CLHC1: variants seen among roughly 807,000 people sequenced by gnomAD.
The protein encoded by CLHC1 is clathrin heavy chain linker domain-containing protein 1.
Under a neutral mutation model 69.5 loss-of-function variants are expected in CLHC1, and 72 were observed. That is an observed-to-expected ratio of 1.04 (90% confidence interval 0.86 to 1.26). The LOEUF is 1.26. CLHC1 is among the 50% of genes most tolerant of loss of function. The pLI, the probability that CLHC1 is intolerant of heterozygous loss-of-function variation, is 0.00. For synonymous variants in CLHC1, 223 were observed against 224.3 expected, an observed-to-expected ratio of 0.99 and a Z score of 0.05; for missense variants, 790 against 679.3, an observed-to-expected ratio of 1.16 and a Z score of -1.81.
intron 1 of CLHC1, among the ~76,000 whole-genome samples, chr2:55,230,081 G>GA (rs1319709134): frequency 2.0e-5 from 3 of 151,976 alleles, no homozygotes; most frequent in East Asian, 3.9e-4. Context: ...TCAAAAAAAA[G>GA]AAAAAAAAGA....
chr2:55,192,364 C>T (rs1168648548), intron 9 of CLHC1, among the ~76,000 whole-genome samples: 4 of 152,142 alleles, frequency 2.6e-5, no homozygotes, highest in Non-Finnish European at 4.4e-5. Context: ...AAGTGATCCA[C>T]CCACCTCGGC....
chr2:55,216,879 G>A (rs1056017846), intron 4 of CLHC1, among the ~76,000 whole-genome samples: 28 of 152,122 alleles, frequency 1.8e-4, no homozygotes, highest in African/African-American at 6.8e-4. Flanking sequence ...CAGGAGTGGT[G>A]GCTCATGCCT....
intron 9 of CLHC1, among the ~76,000 whole-genome samples, chr2:55,192,625 T>C (rs574471656): frequency 3.3e-5 from 5 of 152,206 alleles, no homozygotes; most frequent in African/African-American, 4.8e-5. Context: ...TGGCGTGGGG[T>C]GGACATCTAG....
chr2:55,178,159 G>C (rs1173207215), intron 11 of CLHC1, among the ~76,000 whole-genome samples: 1 of 152,118 alleles, frequency 6.6e-6, no homozygotes, highest in Non-Finnish European at 1.5e-5. Context: ...TAGTATTAGA[G>C]GTCTCCATCT....
At chr2:55,180,031 G>A (rs1480835126) in intron 11 of CLHC1, among the ~76,000 whole-genome samples, 1 of 151,918 alleles carries the variant, frequency 6.6e-6, no homozygotes, top group Non-Finnish European at 1.5e-5. Context: ...GCGGGCACCT[G>A]TAGTCCCAGC....
At chr2:55,188,539 T>G (rs988275301) in intron 9 of CLHC1, among the ~76,000 whole-genome samples, 2 of 152,162 alleles carry the variant, frequency 1.3e-5, no homozygotes, top group Admixed American at 1.3e-4. Context: ...AAAATGTTTG[T>G]TATTATCTTC....
At chr2:55,191,799 C>A (rs7588591) in intron 9 of CLHC1, among the ~76,000 whole-genome samples, 147,854 of 151,466 alleles carry the variant, frequency 0.98, 72,196 homozygotes, top group African/African-American at 0.99. Flanking sequence ...AAAAAGGTTT[C>A]AAAAAAAAAG....
chr2:55,227,230 T>C (rs1674791095), intron 2 of CLHC1, among the ~76,000 whole-genome samples: 1 of 152,198 alleles, frequency 6.6e-6, no homozygotes. Flanking sequence ...GAAATACATT[T>C]GTTTATTCAT....
At chr2:55,224,128 C>T (rs976694508) in intron 2 of CLHC1, 3 of 189,224 alleles carry the variant, frequency 1.6e-5, no homozygotes. Context: ...GTAACCCATG[C>T]TTCCTGGAGT....
Position 55,175,776 on chromosome 2 carries a change from G to C in CLHC1, c.*14C>G. The stretch of plus-strand genomic sequence containing the variant: ...GGTGTTGTACAAGCTCCCTCAGCTG[G>C]TTAAGATATAGAACTACCAAAACAC... On this transcript the variant is annotated 3_prime_UTR_variant, in exon 13 of 13. Coordinates refer to ENST00000401408, the MANE Select transcript of CLHC1 (RefSeq NM_152385.4). The C allele has an allele frequency of 6.2e-7, 1 of 1,607,316 alleles. No homozygotes were observed. Among genetic ancestry groups the C allele is most frequent in the Non-Finnish European group, 8.5e-7 (1 of 1,174,658 alleles).
intron 12 of CLHC1, among the ~76,000 whole-genome samples, chr2:55,176,546 T>C (rs116964887): frequency 6.6e-6 from 1 of 152,296 alleles, no homozygotes; most frequent in Middle Eastern, 3.4e-3. Flanking sequence ...GGAAATAAAA[T>C]CATTTTGTTT....
chr2:55,214,842 T>TATATACATAC (rs1673345457), intron 4 of CLHC1: 1 of 152,224 alleles, frequency 6.6e-6, no homozygotes, highest in Non-Finnish European at 1.5e-5. Flanking sequence ...AAATGTAGTA[T>TATATACATAC]ATACATACAA....
chr2:55,177,131 C>G (rs909611697), intron 12 of CLHC1, among the ~76,000 whole-genome samples: 19 of 152,180 alleles, frequency 1.2e-4, no homozygotes, highest in Admixed American at 6.5e-5. Flanking sequence ...CCTCAGCCCC[C>G]CAAAGTGCTG....
At chr2:55,193,069 T>C (rs1220296441) in intron 9 of CLHC1, among the ~76,000 whole-genome samples, 1 of 151,998 alleles carries the variant, frequency 6.6e-6, no homozygotes, top group Non-Finnish European at 1.5e-5. Context: ...AATTTTTGTA[T>C]ATTTAGTAGA....
chr2:55,180,879 T>A (rs767730308), intron 10 of CLHC1, among the ~76,000 whole-genome samples, 167 bp from the exon 11 acceptor site: 3 of 152,254 alleles, frequency 2.0e-5, no homozygotes, highest in Admixed American at 6.5e-5. Context: ...TGATTACTTG[T>A]CAATTTCTAT....
chr2:55,210,047 C>G, intron 5 of CLHC1, among the ~76,000 whole-genome samples: 1 of 152,086 alleles, frequency 6.6e-6, no homozygotes, highest in East Asian at 1.9e-4. Context: ...TTAATACAGA[C>G]AGGGTCTTGT....
intron 11 of CLHC1, among the ~76,000 whole-genome samples, chr2:55,179,545 T>A (rs1297476109): frequency 1.3e-5 from 2 of 152,206 alleles, no homozygotes; most frequent in African/African-American, 4.8e-5. Flanking sequence ...TCCTTTTTCC[T>A]GGAATAATGT....
At chr2:55,186,915 A>G (rs1439565619) in intron 9 of CLHC1, among the ~76,000 whole-genome samples, 1 of 152,144 alleles carries the variant, frequency 6.6e-6, no homozygotes, top group East Asian at 1.9e-4. Context: ...GGCACTACAA[A>G]TTAGTGGAGA....
rs150023922 is a variant in CLHC1, at chr2:55,182,050, A to G, written c.1007-306T>C. Reference sequence around the variant, plus strand: ...ATGGAATCTCCCTTAGAGCCTCCAGAAGGAATGAACCCTTGACACCATGAT... The same window carrying G: ...ATGGAATCTCCCTTAGAGCCTCCAGGAGGAATGAACCCTTGACACCATGAT... On this transcript the variant is annotated intron_variant, in intron 9 of 12. Transcript: ENST00000401408. 4.3e-3 allele frequency among the ~76,000 whole-genome samples: 661 copies of G among 152,188 alleles called. 2 individuals are homozygous for G. The highest frequency in any genetic ancestry group is 6.3e-3 in the Non-Finnish European group (427 of 68,010).
Sources: gnomAD v4.1 joint callset for allele counts (sites outside exome capture counted in the v4.1 genomes callset) on GRCh38, gnomAD v4.1.1 for gene constraint, MANE v1.5 for transcripts, NCBI Gene and HGNC (gene_info 2026-07-23, HGNC 2026-07-21) for gene names.